The following DEPTOR variants were observed in gnomAD, a reference collection of about 807,000 sequenced individuals.
DEPTOR encodes the protein DEP domain containing MTOR interacting protein.
DEPTOR carries 41 observed loss-of-function variants against 41.6 expected under a neutral mutation model. That is an observed-to-expected ratio of 0.98 (90% CI 0.77 to 1.28). The LOEUF (loss-of-function observed/expected upper bound fraction) is 1.28, where lower values mean the gene tolerates loss of function less well. Ranked by LOEUF, DEPTOR falls within the 50% of genes most tolerant of loss-of-function variation. The pLI is 0.00. For synonymous variants in DEPTOR, 195 were observed against 192.3 expected (o/e 1.01, Z -0.12); for missense variants, 514 against 527.9 (o/e 0.97, Z 0.26).
chr8:120,021,422 A>C (rs1473114576), intron 8 of DEPTOR, among the ~76,000 whole-genome samples: 1 of 152,190 alleles, frequency 6.6e-6, no homozygotes, highest in Non-Finnish European at 1.5e-5. Context: ...ATAAATAAAA[A>C]ATAAATGGAA....
chr8:119,963,909 A>G (rs1828522780), intron 3 of DEPTOR, among the ~76,000 whole-genome samples: 1 of 152,196 alleles, frequency 6.6e-6, no homozygotes, highest in Non-Finnish European at 1.5e-5. Flanking sequence ...CCATAGGCTG[A>G]GTAGCTTAAA....
intron 3 of DEPTOR, among the ~76,000 whole-genome samples, chr8:119,936,271 A>G (rs572139066): frequency 6.6e-6 from 1 of 152,212 alleles, no homozygotes; most frequent in South Asian, 2.1e-4. Context: ...AAGTTTCTCT[A>G]CCCTGTGTGT....
At chr8:119,916,467 A>G (rs1016669451) in intron 1 of DEPTOR, among the ~76,000 whole-genome samples, 1 of 152,100 alleles carries the variant, frequency 6.6e-6, no homozygotes. Flanking sequence ...TTATGGTGCC[A>G]TTCAGATGTA....
intron 1 of DEPTOR, among the ~76,000 whole-genome samples, chr8:119,895,221 CTT>C (rs1205655369): frequency 9.9e-5 from 15 of 152,212 alleles, no homozygotes; most frequent in African/African-American, 3.6e-4. Context: ...ATTCTAGTGA[CTT>C]AAAAGTATGG....
intron 3 of DEPTOR, among the ~76,000 whole-genome samples, chr8:119,951,819 G>A (rs541058176): frequency 1.3e-5 from 2 of 152,192 alleles, no homozygotes; most frequent in East Asian, 3.9e-4. Flanking sequence ...TTTCACTGGA[G>A]GGATAAAAAT....
At chr8:119,925,780 G>T (rs1259244648) in intron 1 of DEPTOR, among the ~76,000 whole-genome samples, 1 of 151,944 alleles carries the variant, frequency 6.6e-6, no homozygotes, top group Non-Finnish European at 1.5e-5. Context: ...ATGCACCACC[G>T]TGCCTGGCTA....
chr8:120,018,779 G>A (rs115809330), intron 8 of DEPTOR, among the ~76,000 whole-genome samples: 7 of 152,262 alleles, frequency 4.6e-5, no homozygotes, highest in African/African-American at 1.4e-4. Context: ...GCTGTGAAGC[G>A]GTGGCCTGAG....
chr8:119,901,671 G>C (rs1018822054), intron 1 of DEPTOR, among the ~76,000 whole-genome samples: 8 of 132,600 alleles, frequency 6.0e-5, no homozygotes, highest in African/African-American at 1.2e-4. Flanking sequence ...GCAAGACTCT[G>C]TCTCAAAAAA....
chr8:119,882,040 G>A (rs932780752), intron 1 of DEPTOR, among the ~76,000 whole-genome samples: 2 of 152,086 alleles, frequency 1.3e-5, no homozygotes, highest in African/African-American at 2.4e-5. Context: ...ACAGGCAAGC[G>A]CCACCACGCC....
At chr8:119,877,828 T>C (rs1276818278) in intron 1 of DEPTOR, among the ~76,000 whole-genome samples, 2 of 152,218 alleles carry the variant, frequency 1.3e-5, no homozygotes, top group Admixed American at 6.5e-5. Context: ...GGAAGAAACT[T>C]TGTAAAATAA....
At chr8:119,886,510 C>T (rs1212797055) in intron 1 of DEPTOR, among the ~76,000 whole-genome samples, 2 of 151,658 alleles carry the variant, frequency 1.3e-5, no homozygotes, top group Non-Finnish European at 2.9e-5. Flanking sequence ...CATATACACA[C>T]AGATACACAC....
intron 4 of DEPTOR, among the ~76,000 whole-genome samples, chr8:119,995,683 T>C (rs1812249716): frequency 6.6e-6 from 1 of 152,184 alleles, no homozygotes; most frequent in Non-Finnish European, 1.5e-5. Context: ...TGCCATGTTC[T>C]TGTGTGAAAT....
At chr8:119,956,431 C>A (rs1422012998) in intron 3 of DEPTOR, among the ~76,000 whole-genome samples, 1 of 152,200 alleles carries the variant, frequency 6.6e-6, no homozygotes, top group African/African-American at 2.4e-5. Flanking sequence ...CTGGCAGAAG[C>A]AGCTAACCAG....
intron 4 of DEPTOR, among the ~76,000 whole-genome samples, chr8:119,968,317 C>T (rs1828588833): frequency 6.6e-6 from 1 of 151,234 alleles, no homozygotes; most frequent in Non-Finnish European, 1.5e-5. Context: ...TGAGAGCTAC[C>T]TTCTTTTATT....
intron 1 of DEPTOR, among the ~76,000 whole-genome samples, chr8:119,891,937 C>T (rs1827457680): frequency 6.6e-6 from 1 of 152,126 alleles, no homozygotes. Flanking sequence ...TCATGTGTTT[C>T]AATATATTTG....
At chr8:119,972,656 G>C (rs1340096279) in intron 4 of DEPTOR, among the ~76,000 whole-genome samples, 2 of 149,508 alleles carry the variant, frequency 1.3e-5, no homozygotes, top group Non-Finnish European at 3.0e-5. Flanking sequence ...GTAATGTGCT[G>C]AAGATGAGAG....
At chr8:119,976,399 C>T (rs925160737) in intron 4 of DEPTOR, among the ~76,000 whole-genome samples, 6 of 151,966 alleles carry the variant, frequency 3.9e-5, no homozygotes, top group Admixed American at 6.6e-5. Flanking sequence ...ATATATATAT[C>T]GTATCAGCAA....
At chr8:119,997,537 G>A (rs566981443) in intron 4 of DEPTOR, among the ~76,000 whole-genome samples, 44 of 152,262 alleles carry the variant, frequency 2.9e-4, no homozygotes, top group Non-Finnish European at 5.1e-4. Flanking sequence ...CACCTGTCCA[G>A]ATTATTTATT....
intron 8 of DEPTOR, among the ~76,000 whole-genome samples, chr8:120,013,200 G>A (rs1465581970): frequency 6.6e-6 from 1 of 150,446 alleles, no homozygotes; most frequent in Non-Finnish European, 1.5e-5. Flanking sequence ...CATCACATAT[G>A]CAGTTCATAG....
Sources: gnomAD v4.1 joint callset for allele counts (sites outside exome capture counted in the v4.1 genomes callset) on GRCh38, gnomAD v4.1.1 for gene constraint, MANE v1.5 for transcripts, NCBI Gene and HGNC (gene_info 2026-07-23, HGNC 2026-07-21) for gene names.